The following USP32 variants were observed in gnomAD, a reference collection of about 807,000 sequenced individuals.
USP32 encodes ubiquitin carboxyl-terminal hydrolase 32.
A neutral mutation model predicts 204.8 loss-of-function variants in USP32; 59 were observed. The observed-to-expected ratio is 0.29, with a 90% CI of 0.23 to 0.36. USP32 has a LOEUF of 0.36. Among genes scored for constraint, USP32 ranks in the 10% least tolerant of loss-of-function variants. The pLI is 1.00. For synonymous variants in USP32, 517 were observed against 678.4 expected (o/e 0.76, Z 3.70); for missense variants, 1,160 against 1,946.4 (o/e 0.60, Z 7.60).
intron 17 of USP32, among the ~76,000 whole-genome samples, chr17:60,214,300 C>A (rs2085047854): frequency 6.6e-6 from 1 of 152,080 alleles, no homozygotes. Context: ...TTATATGTAA[C>A]AATAATCTTT....
chr17:60,402,045 T>C (rs1274487261), intron 1 of USP32, among the ~76,000 whole-genome samples: 1 of 152,150 alleles, frequency 6.6e-6, no homozygotes, highest in African/African-American at 2.4e-5. Flanking sequence ...CTAGTTTTTG[T>C]CTGAGTGAAA....
chr17:60,353,069 A>G (rs59871364), intron 1 of USP32, among the ~76,000 whole-genome samples: 7,107 of 152,272 alleles, frequency 0.047, 599 homozygotes, highest in African/African-American at 0.16. Context: ...CCTCAAATTC[A>G]TATGTTGAAG....
intron 27 of USP32, among the ~76,000 whole-genome samples, chr17:60,195,725 A>T (rs2084497847): frequency 6.6e-6 from 1 of 152,118 alleles, no homozygotes; most frequent in Admixed American, 6.6e-5. Context: ...TGTATAGATG[A>T]TGGGAATCTT....
intron 1 of USP32, among the ~76,000 whole-genome samples, chr17:60,419,743 A>G (rs1047273717): frequency 1.3e-4 from 20 of 151,030 alleles, no homozygotes; most frequent in African/African-American, 4.8e-4. Flanking sequence ...AAAAAAAAAA[A>G]AAAAATTCTG....
chr17:60,378,329 A>G (rs761614509), intron 1 of USP32, among the ~76,000 whole-genome samples: 1 of 152,228 alleles, frequency 6.6e-6, no homozygotes, highest in Non-Finnish European at 1.5e-5. Context: ...TGGAAGGAGC[A>G]CTTGTGCATT....
At chr17:60,315,641 A>G (rs756901938) in intron 2 of USP32, among the ~76,000 whole-genome samples, 16 of 152,174 alleles carry the variant, frequency 1.1e-4, no homozygotes, top group Non-Finnish European at 1.6e-4. Context: ...TCACAGCAGC[A>G]TTATTGACAA....
At position 60,334,642 on chromosome 17, in the gene USP32, A is replaced by G. The variant is rs1018003342; in HGVS notation, c.186+10839T>C. Reference sequence around the variant, plus strand: ...GGGAGGCGGAGCTTGCAGTGAGCCGAGATCGCGCCACTGCACTCCAGCCTG... The same window carrying G: ...GGGAGGCGGAGCTTGCAGTGAGCCGGGATCGCGCCACTGCACTCCAGCCTG... On this transcript the variant is annotated intron_variant, in intron 2 of 33. Transcript: ENST00000300896. Among the ~76,000 whole-genome samples, 5 of 143,164 alleles carry G rather than the reference A, an allele frequency of 3.5e-5. 1 individual carries two copies. The highest frequency in any genetic ancestry group is 1.5e-4 in the African/African-American group (5 of 33,554). The allele number at this position is 143,164 out of a possible 152,430, so 93.9% of individuals were successfully genotyped here. A position where few individuals can be genotyped will look rare whatever the true frequency, so the allele number is the denominator to read the frequency against.
intron 1 of USP32, among the ~76,000 whole-genome samples, chr17:60,408,244 A>G (rs1243560403): frequency 6.6e-6 from 1 of 152,220 alleles, no homozygotes; most frequent in Admixed American, 6.5e-5. Context: ...GCAGATAAGA[A>G]TGATGAAACA....
chr17:60,215,087 C>A (rs1383053557), intron 16 of USP32, among the ~76,000 whole-genome samples: 1 of 152,164 alleles, frequency 6.6e-6, no homozygotes, highest in Non-Finnish European at 1.5e-5. Flanking sequence ...CCCACCTCAG[C>A]CTCCTGAGTA....
chr17:60,210,906 C>T (rs2084947132), intron 21 of USP32, 107 bp downstream of exon 21: 3 of 1,439,984 alleles, frequency 2.1e-6, no homozygotes, highest in African/African-American at 1.4e-5. Flanking sequence ...GTGAAGGATC[C>T]AAAAACATTT....
At chr17:60,281,473 G>A (rs1211848347) in intron 5 of USP32, among the ~76,000 whole-genome samples, 1 of 151,990 alleles carries the variant, frequency 6.6e-6, no homozygotes, top group Admixed American at 6.5e-5. Context: ...GGAGGATGGA[G>A]GTTGCAGTGA....
chr17:60,190,478 T>A, intron 29 of USP32, 85 bp downstream of exon 29: 1 of 1,448,532 alleles, frequency 6.9e-7, no homozygotes, highest in Non-Finnish European at 9.1e-7. Flanking sequence ...TTTTAAATTG[T>A]CTAAAACAGA....
chr17:60,326,700 T>C (rs1267097457), intron 2 of USP32, among the ~76,000 whole-genome samples: 1 of 152,222 alleles, frequency 6.6e-6, no homozygotes, highest in Non-Finnish European at 1.5e-5. Flanking sequence ...TTTCTTTCTT[T>C]TAGATTCCCT....
At chr17:60,282,560 G>C (rs976371320) in intron 5 of USP32, among the ~76,000 whole-genome samples, 1 of 152,042 alleles carries the variant, frequency 6.6e-6, no homozygotes, top group Non-Finnish European at 1.5e-5. Flanking sequence ...CCTCATGTTG[G>C]CCAGGATGGT....
intron 31 of USP32, 44 bp downstream of exon 31, chr17:60,183,121 C>T (rs757415819): frequency 1.3e-6 from 2 of 1,549,398 alleles, no homozygotes; most frequent in Non-Finnish European, 1.7e-6. Context: ...ATGTAGCCTA[C>T]AGGAGTCCCA....
intron 1 of USP32, among the ~76,000 whole-genome samples, chr17:60,360,303 G>A (rs1181774715): frequency 6.6e-6 from 1 of 151,938 alleles, no homozygotes; most frequent in African/African-American, 2.4e-5. Flanking sequence ...GCAAAACCCC[G>A]TCTCTACTAA....
At chr17:60,381,756 A>T (rs530098549) in intron 1 of USP32, among the ~76,000 whole-genome samples, 35 of 152,270 alleles carry the variant, frequency 2.3e-4, no homozygotes, top group Non-Finnish European at 4.6e-4. Flanking sequence ...ACTTACGTAA[A>T]CTGTACAAAT....
chr17:60,271,509 A>G (rs1439815558), intron 5 of USP32, 28 bp from the exon 6 acceptor site: 1 of 1,609,028 alleles, frequency 6.2e-7, no homozygotes, highest in Non-Finnish European at 8.5e-7. Context: ...AAAGATTATA[A>G]AACCTCAGAA....
At chr17:60,322,744 TA>T (rs987754345) in intron 2 of USP32, among the ~76,000 whole-genome samples, 7 of 152,186 alleles carry the variant, frequency 4.6e-5, no homozygotes, top group African/African-American at 1.4e-4. Flanking sequence ...TTTAACATTT[TA>T]AAGATATTTA....
Sources: allele counts gnomAD v4.1 joint callset (sites outside exome capture counted in the v4.1 genomes callset), GRCh38; gene constraint gnomAD v4.1.1; transcripts MANE v1.5; gene names NCBI Gene and HGNC (gene_info 2026-07-23, HGNC 2026-07-21).